The following COQ2 variants were observed in gnomAD, a reference collection of about 807,000 sequenced individuals.
The protein encoded by COQ2 is 4-hydroxybenzoate polyprenyltransferase, mitochondrial.
COQ2 carries 25 observed loss-of-function variants against 35.7 expected under a neutral mutation model. That is an observed-to-expected ratio of 0.70 (90% confidence interval 0.51 to 0.98). The LOEUF is 0.98. Ranked by LOEUF, COQ2 falls within the 50% of genes least tolerant of loss-of-function variation. The pLI, the probability that COQ2 is intolerant of heterozygous loss-of-function variation, is 0.00. For missense variants in COQ2, 488 were observed against 473.5 expected, an observed-to-expected ratio of 1.03 and a Z score of -0.28; for synonymous variants, 206 against 186.2, an observed-to-expected ratio of 1.11 and a Z score of -0.86.
chr4:83,273,560 A>G lies in COQ2; in HGVS notation c.478T>C (p.Phe160Leu), dbSNP rs567972522. 1 of 1,613,822 alleles carries G rather than the reference A, an allele frequency of 6.2e-7. No homozygotes were observed. Among genetic ancestry groups the G allele is most frequent in the Non-Finnish European group, 8.5e-7 (1 of 1,179,752 alleles). The part of the protein sequence containing the change: ...AAGDISTFQS[F>L]VFLGGQLTLA... ...GTTAGCTGTCCCCCAAGAAAAACAA[A>G]GGACTGAAAAGTTGAAATGTCTCCA... Residue 160 changes from phenylalanine (F) to leucine (L), a missense_variant, in exon 3 of 7, where the codon TTT (phenylalanine) becomes CTT (leucine). Transcript: ENST00000647002.
At chr4:83,265,721 T>A (rs912176693) in intron 6 of COQ2, among the ~76,000 whole-genome samples, 4 of 152,146 alleles carry the variant, frequency 2.6e-5, no homozygotes, top group Admixed American at 6.5e-5. Context: ...TGGAGTGCAG[T>A]GGCACCATCT....
At chr4:83,275,698 T>C (rs939744446) in intron 2 of COQ2, among the ~76,000 whole-genome samples, 1 of 152,036 alleles carries the variant, frequency 6.6e-6, no homozygotes, top group African/African-American at 2.4e-5. Context: ...ATCTATGTAA[T>C]TAGTTTTAAC....
chr4:83,267,436 C>T lies in COQ2; in HGVS notation c.951+150G>A, dbSNP rs369876252. On this transcript the variant is annotated intron_variant, in intron 6 of 6. Transcript: ENST00000647002. The stretch of plus-strand genomic sequence containing the variant: ...AGCTAGCTTTCTTATAAGTTGAGGC[C>T]GGAGGGCAGGGGGGTCTGTTAAAGG... The T allele has an allele frequency of 7.8e-4, 504 of 643,574 alleles. 2 individuals carry two copies. The highest frequency in any genetic ancestry group is 9.9e-5 in the Non-Finnish European group (38 of 381,980). The allele number at this position is 643,574 out of a possible 1,614,324, so 39.9% of individuals were successfully genotyped here.
At chr4:83,282,286 T>C (rs1167238682) in intron 1 of COQ2, among the ~76,000 whole-genome samples, 1 of 152,188 alleles carries the variant, frequency 6.6e-6, no homozygotes, top group Non-Finnish European at 1.5e-5. Context: ...GAAGCTGTAT[T>C]GCCTTCTCAA....
chr4:83,268,035 A>G (rs1237357656), intron 5 of COQ2, among the ~76,000 whole-genome samples: 1 of 152,192 alleles, frequency 6.6e-6, no homozygotes, highest in African/African-American at 2.4e-5. Flanking sequence ...CACTGCTAAA[A>G]TCACCATCCA....
chr4:83,273,385 C>T, intron 3 of COQ2, 111 bp downstream of exon 3: 1 of 1,125,780 alleles, frequency 8.9e-7, no homozygotes, highest in Non-Finnish European at 1.3e-6. Flanking sequence ...CTTACAGATG[C>T]TTAATAAGTA....
intron 5 of COQ2, among the ~76,000 whole-genome samples, 195 bp downstream of exon 5, chr4:83,269,665 T>TA (rs1553915111): frequency 2.6e-5 from 4 of 151,774 alleles, no homozygotes; most frequent in Non-Finnish European, 5.9e-5. Context: ...CACATAAACA[T>TA]AAAAAAAATT....
intron 5 of COQ2, among the ~76,000 whole-genome samples, chr4:83,269,588 C>T (rs1469957964): frequency 6.6e-6 from 1 of 152,044 alleles, no homozygotes; most frequent in African/African-American, 2.4e-5. Context: ...TAAAACAGTG[C>T]CTGGCACATA....
At chr4:83,283,245 A>C (rs1735369733) in intron 1 of COQ2, 1 of 984,326 alleles carries the variant, frequency 1.0e-6, no homozygotes, top group African/African-American at 1.7e-5. Context: ...AAAGTGGAGT[A>C]AATGTACCTA....
In COQ2 at chr4:83,284,544, T is replaced by G; in HGVS notation, c.221A>C (p.Tyr74Ser). ...VDSAPRPLQP[Y>S]LRLMRLDKPI... ...CTTGTCCAACCGCATGAGGCGCAAG[T>G]ACGGCTGCAGGGGGCGGGGCGCAGA... The change falls in exon 1 of 7, where the codon TAC becomes TCC. Residue 74 changes from tyrosine (Y) to serine (S), a missense_variant. By Grantham distance (144) the Tyr-to-Ser change is moderately radical. Transcript: ENST00000647002. 6.4e-7 allele frequency: 1 copy of G among 1,574,456 alleles called. No homozygotes were observed. The highest frequency in any genetic ancestry group is 8.6e-7 in the Non-Finnish European group (1 of 1,161,870).
chr4:83,284,423 C>A (rs1268095423), intron 1 of COQ2, 89 bp downstream of exon 1: 4 of 1,456,170 alleles, frequency 2.7e-6, no homozygotes, highest in Non-Finnish European at 3.6e-6. Flanking sequence ...TTCCATCACG[C>A]CCCGGCCGGC....
chr4:83,276,113 G>A (rs1259566580), intron 2 of COQ2, among the ~76,000 whole-genome samples: 3 of 142,594 alleles, frequency 2.1e-5, no homozygotes, highest in Non-Finnish European at 1.5e-5. Context: ...TACATATAGA[G>A]TGTACAGAAT....
chr4:83,267,787 A>G lies in COQ2; in HGVS notation c.763-13T>C. 6.5e-7 allele frequency: 1 copy of G among 1,528,454 alleles called. No individual in the cohort carries two copies. Among genetic ancestry groups the G allele is most frequent in the Non-Finnish European group, 8.8e-7 (1 of 1,136,342 alleles). The allele number at this position is 1,528,454 out of a possible 1,614,324, so 94.7% of individuals were successfully genotyped here. A position where few individuals can be genotyped will look rare whatever the true frequency, so the allele number is the denominator to read the frequency against. On this transcript the variant is annotated splice_polypyrimidine_tract_variant and intron_variant, in intron 5 of 6. Transcript: ENST00000647002. ...CATCTCTTTTGTCCTAATATCAGAA[A>G]GAAAAATAAACTGTTTTTTGAGATT... is the stretch of plus-strand genomic sequence containing the variant.
At chr4:83,276,028 TTATATA>T (rs1735163345) in intron 2 of COQ2, among the ~76,000 whole-genome samples, 1 of 20,662 alleles carries the variant, frequency 4.8e-5, no homozygotes, top group Non-Finnish European at 1.8e-4. Context: ...ATATATATTT[TTATATA>T]ATATATAAAA....
intron 2 of COQ2, among the ~76,000 whole-genome samples, chr4:83,274,606 T>A (rs139272434): frequency 7.1e-4 from 108 of 152,340 alleles, no homozygotes; most frequent in African/African-American, 2.6e-3. Context: ...TTCAAGATTT[T>A]AAAATTTTCT....
At chr4:83,284,095 C>T in intron 1 of COQ2, 2 of 985,370 alleles carry the variant, frequency 2.0e-6, no homozygotes, top group Non-Finnish European at 2.4e-6. Context: ...TACAAGATTG[C>T]GGGGAGGATC....
At position 83,272,670 on chromosome 4, in the gene COQ2, C is replaced by A. The variant is rs146868618; in HGVS notation, c.543-498G>T. The stretch of plus-strand genomic sequence containing the variant: ...AAATGTTAACTACCAAATGTTACTG[C>A]CTCTCTGAACTGTTTGCAAACATTA... On this transcript the variant is annotated intron_variant, in intron 3 of 6. Coordinates refer to ENST00000647002, the MANE Select transcript of COQ2 (RefSeq NM_001358921.2). Among the ~76,000 whole-genome samples, 783 of 152,254 alleles carry A rather than the reference C, an allele frequency of 5.1e-3. 2 individuals are homozygous for A. The highest frequency in any genetic ancestry group is 0.018 in the African/African-American group (743 of 41,534).
intron 2 of COQ2, among the ~76,000 whole-genome samples, chr4:83,278,019 C>G (rs1038675993): frequency 3.5e-5 from 4 of 113,276 alleles, no homozygotes; most frequent in African/African-American, 1.3e-4. Context: ...CACACACACA[C>G]ACACGTAACA....
In COQ2 at chr4:83,270,029, G is replaced by C. The variant is rs368255651; in HGVS notation, c.629-36C>G. ...CAAAACACAAAAAGGGGGAAAGTCT[G>C]TATGTACTTTAGAATCCTAAAGGGA... On this transcript the variant is annotated intron_variant, in intron 4 of 6. Transcript: ENST00000647002. 5.0e-6 allele frequency: 8 copies of C among 1,608,448 alleles called. No individual in the cohort carries two copies. The African/African-American group carries it at 6.7e-5, about 13-fold the overall frequency.
Sources: gnomAD v4.1 joint callset for allele counts (sites outside exome capture counted in the v4.1 genomes callset) on GRCh38, gnomAD v4.1.1 for gene constraint, MANE v1.5 for transcripts, NCBI Gene and HGNC (gene_info 2026-07-23, HGNC 2026-07-21) for gene names.